The following DGKK variants were observed in gnomAD, a reference collection of about 807,000 sequenced individuals.
The protein encoded by DGKK is diacylglycerol kinase kappa.
Under a neutral mutation model 92.2 loss-of-function variants are expected in DGKK, and 35 were observed. The observed-to-expected ratio is 0.38, with a 90% CI of 0.29 to 0.50. DGKK has a LOEUF of 0.50. Ranked by LOEUF, DGKK falls within the 20% of genes least tolerant of loss-of-function variation. The pLI is 0.92. For synonymous variants in DGKK, 368 were observed against 360.6 expected (o/e 1.02, Z -0.23); for missense variants, 910 against 992.2 (o/e 0.92, Z 1.11).
intron 1 of DGKK, among the ~76,000 whole-genome samples, chrX:50,452,551 T>A (rs1345829695): frequency 8.9e-6 from 1 of 111,790 alleles, no homozygotes; most frequent in East Asian, 2.8e-4. Flanking sequence ...GTGGCAGAGA[T>A]GGAAGCACAG....
At position 50,399,380 on chromosome X, in the gene DGKK, C is replaced by T. The variant is rs1394450333; in HGVS notation, c.1411+1657G>A. 3.6e-5 allele frequency among the ~76,000 whole-genome samples: 4 copies of T among 112,171 alleles called. No homozygotes were observed. In the East Asian group the frequency reaches 1.1e-3, roughly 31 times the overall value. Reference sequence around the variant, plus strand: ...CTGTTCTCTAAGGAAACCATCTACTCTTCTTTCTTTTCCTTTCTTTGCTTC... The same window carrying T: ...CTGTTCTCTAAGGAAACCATCTACTTTTCTTTCTTTTCCTTTCTTTGCTTC... On this transcript the variant is annotated intron_variant, in intron 8 of 27. Transcript: ENST00000611977.
intron 1 of DGKK, among the ~76,000 whole-genome samples, chrX:50,438,774 A>G (rs1926096897): frequency 8.9e-6 from 1 of 111,752 alleles, no homozygotes; most frequent in African/African-American, 3.3e-5. Context: ...CTTGCTAGGA[A>G]CTATGGATAA....
chrX:50,380,186 G>A (rs891870281), intron 18 of DGKK, 109 bp from the exon 19 acceptor site: 21 of 624,496 alleles, frequency 3.4e-5, no homozygotes, highest in Admixed American at 5.5e-5. Context: ...TTCTTACAGA[G>A]AGGAGTCATG....
At chrX:50,430,321 C>G (rs1557230161) in intron 1 of DGKK, among the ~76,000 whole-genome samples, 1 of 112,068 alleles carries the variant, frequency 8.9e-6, no homozygotes, top group Non-Finnish European at 1.9e-5. Flanking sequence ...GCTGTAGAAT[C>G]CTTGTACATA....
chrX:50,369,125 G>A, intron 27 of DGKK, 106 bp from the exon 28 acceptor site: 2 of 565,101 alleles, frequency 3.5e-6, no homozygotes, highest in Non-Finnish European at 5.6e-6. Flanking sequence ...AAGATAGACT[G>A]GTTTGTTCCT....
chrX:50,422,216 C>G (rs1386688077), intron 3 of DGKK, among the ~76,000 whole-genome samples: 1 of 111,678 alleles, frequency 9.0e-6, no homozygotes, highest in Non-Finnish European at 1.9e-5. Flanking sequence ...CACATACTCC[C>G]TTCCCCTTGA....
At chrX:50,383,687 G>A (rs1490396261) in intron 17 of DGKK, among the ~76,000 whole-genome samples, 3 of 111,477 alleles carry the variant, frequency 2.7e-5, no homozygotes, top group Non-Finnish European at 5.7e-5. Context: ...GAGTGTGGCA[G>A]AACTTGGCTG....
At chrX:50,370,001 A>G (rs1012190672) in intron 27 of DGKK, among the ~76,000 whole-genome samples, 3 of 112,108 alleles carry the variant, frequency 2.7e-5, no homozygotes, top group African/African-American at 9.7e-5. Flanking sequence ...CTGATATGTC[A>G]ATAGTGCTTA....
In DGKK at chrX:50,408,545, A is replaced by AT. The variant is rs531318025; in HGVS notation, c.943-4362dup. On this transcript the variant is annotated intron_variant, in intron 4 of 27. Coordinates refer to ENST00000611977, the MANE Select transcript of DGKK (RefSeq NM_001013742.4). ...AGGCGCCCGCCACCACGCCCGGCTA[A>AT]TTTTTTTTTTTGTATTTTTAGTAGA... 1.3e-3 allele frequency among the ~76,000 whole-genome samples: 137 copies of AT among 103,504 alleles called. 2 individuals are homozygous for AT. The South Asian group carries it at 0.019, about 14-fold the overall frequency. The allele number at this position is 103,504 out of a possible 115,157, so 89.9% of individuals were successfully genotyped here. A position where few individuals can be genotyped will look rare whatever the true frequency, so the allele number is the denominator to read the frequency against.
intron 9 of DGKK, among the ~76,000 whole-genome samples, chrX:50,392,926 C>G (rs1452867334): frequency 8.9e-6 from 1 of 112,552 alleles, no homozygotes. Flanking sequence ...GCAAATCTGA[C>G]AGGGGCTTGG....
intron 1 of DGKK, among the ~76,000 whole-genome samples, chrX:50,466,183 G>A (rs1471604802): frequency 9.1e-6 from 1 of 109,987 alleles, no homozygotes; most frequent in Non-Finnish European, 1.9e-5. Flanking sequence ...AGAACACCCT[G>A]TAGTGACTGC....
rs1421016301 is a variant in DGKK, at chrX:50,367,184, G to A, written c.*1756C>T. On this transcript the variant is annotated 3_prime_UTR_variant, in exon 28 of 28. Coordinates refer to ENST00000611977, the MANE Select transcript of DGKK (RefSeq NM_001013742.4). The stretch of plus-strand genomic sequence containing the variant: ...ATGAACCAGCCATTGGACTGAATCA[G>A]GTAATTGAGCACGCTAAGTTTGTCT... 9.0e-6 allele frequency: 1 copy of A among 111,255 alleles called. No individual in the cohort carries two copies. Among genetic ancestry groups the A allele is most frequent in the Non-Finnish European group, 1.9e-5 (1 of 53,117 alleles). The allele number at this position is 111,255 out of a possible 1,213,427, so 9.2% of individuals were successfully genotyped here.
chrX:50,389,120 A>G (rs1457883388), intron 12 of DGKK, among the ~76,000 whole-genome samples: 1 of 111,784 alleles, frequency 8.9e-6, no homozygotes, highest in Non-Finnish European at 1.9e-5. Flanking sequence ...TCTCCATTTC[A>G]CAGAAGAGAA....
intron 1 of DGKK, among the ~76,000 whole-genome samples, chrX:50,453,183 C>T (rs1221973000): frequency 9.0e-6 from 1 of 111,252 alleles, no homozygotes; most frequent in Non-Finnish European, 1.9e-5. Context: ...TTTCTAGGCT[C>T]AAAGAGGCTG....
At chrX:50,427,226 T>C (rs1320655999) in intron 1 of DGKK, among the ~76,000 whole-genome samples, 1 of 111,257 alleles carries the variant, frequency 9.0e-6, no homozygotes, top group Non-Finnish European at 1.9e-5. Flanking sequence ...AAATGTATAT[T>C]GCTAAGTAAA....
At chrX:50,403,380 G>A in intron 6 of DGKK, 111 bp downstream of exon 6, 1 of 880,699 alleles carries the variant, frequency 1.1e-6, no homozygotes, top group East Asian at 3.1e-5. Context: ...TGGATTGTGA[G>A]CCTAGGACTT....
intron 22 of DGKK, among the ~76,000 whole-genome samples, chrX:50,377,786 T>C (rs1397033048): frequency 8.9e-6 from 1 of 111,862 alleles, no homozygotes; most frequent in African/African-American, 3.3e-5. Context: ...GAGGATAACC[T>C]TGTCGAAAAC....
At chrX:50,384,533 C>T (rs1042360383) in intron 16 of DGKK, among the ~76,000 whole-genome samples, 187 bp downstream of exon 16, 1 of 111,373 alleles carries the variant, frequency 9.0e-6, no homozygotes. Flanking sequence ...TTCAATGTTC[C>T]TAATGGGGTC....
intron 1 of DGKK, among the ~76,000 whole-genome samples, chrX:50,432,964 G>T (rs1480779827): frequency 8.9e-6 from 1 of 111,931 alleles, no homozygotes; most frequent in East Asian, 2.8e-4. Flanking sequence ...CTGAGCCCAG[G>T]CTGACAAAGT....
Sources: gnomAD v4.1 joint callset for allele counts (sites outside exome capture counted in the v4.1 genomes callset) on GRCh38, gnomAD v4.1.1 for gene constraint, MANE v1.5 for transcripts, NCBI Gene and HGNC (gene_info 2026-07-23, HGNC 2026-07-21) for gene names.